The following SMR3A variants were observed in gnomAD, a reference collection of about 807,000 sequenced individuals.
The protein encoded by SMR3A is submaxillary gland androgen regulated protein 3A.
For missense variants in SMR3A, 188 were observed against 163.0 expected, an observed-to-expected ratio of 1.15 and a Z score of -0.84; for synonymous variants, 48 against 57.4, an observed-to-expected ratio of 0.84 and a Z score of 0.74.
At chr4:70,363,318 A>G (rs1284608487) in intron 2 of SMR3A, among the ~76,000 whole-genome samples, 1 of 151,956 alleles carries the variant, frequency 6.6e-6, no homozygotes, top group African/African-American at 2.4e-5. Context: ...ATTACTGAAC[A>G]TTGGAAATGT....
chr4:70,363,526 A>G (rs1380892439), intron 2 of SMR3A, among the ~76,000 whole-genome samples: 4 of 152,046 alleles, frequency 2.6e-5, no homozygotes, highest in African/African-American at 7.2e-5. Flanking sequence ...GATTCAAATT[A>G]TGCATGTCTT....
intron 2 of SMR3A, among the ~76,000 whole-genome samples, chr4:70,365,591 C>CACTGGCATGAAA (rs988638320): frequency 5.9e-5 from 9 of 151,978 alleles, no homozygotes; most frequent in Admixed American, 4.6e-4. Flanking sequence ...AGAGCTCAAA[C>CACTGGCATGAAA]ACTGGCATGA....
At chr4:70,364,200 T>A (rs979513394) in intron 2 of SMR3A, among the ~76,000 whole-genome samples, 3 of 152,024 alleles carry the variant, frequency 2.0e-5, no homozygotes, top group African/African-American at 7.2e-5. Flanking sequence ...TGAAACTGAA[T>A]CTTTTATAAA....
At chr4:70,366,586 C>T (rs1006599664) in intron 2 of SMR3A, 58 bp from the exon 3 acceptor site, 2 of 1,440,978 alleles carry the variant, frequency 1.4e-6, no homozygotes, top group Non-Finnish European at 1.9e-6. Flanking sequence ...AACCATTCAC[C>T]CTTATATTTA....
chr4:70,364,351 G>T (rs1842472), intron 2 of SMR3A, among the ~76,000 whole-genome samples: 144,409 of 152,012 alleles, frequency 0.95, 68,661 homozygotes, highest in East Asian at 1. Flanking sequence ...AATGACAGAT[G>T]AGAATGAAAG....
At position 70,366,986 on chromosome 4, in the gene SMR3A, G is replaced by A. The variant is rs371670020; in HGVS notation, c.397G>A (p.Ala133Thr). Residue 133 changes from alanine to threonine, a missense_variant, in exon 3 of 3, where the codon GCA becomes ACA. Transcript: ENST00000226460. The part of the protein sequence containing the change: ...SPTDPALPTP[A>T]P ...AACTGATCCTGCCCTCCCTACTCCTGCACCCTAAATACAGACAACTGCAAC... is the reference window on the plus strand; with the variant it reads ...AACTGATCCTGCCCTCCCTACTCCTACACCCTAAATACAGACAACTGCAAC... 6.8e-5 allele frequency: 109 copies of A among 1,611,908 alleles called. No homozygotes were observed. The highest frequency in any genetic ancestry group is 8.8e-5 in the Non-Finnish European group (104 of 1,178,916).
rs753397024 is a variant in SMR3A at position 70,362,065 on chromosome 4, A to T, written c.-14-37A>T. 6.2e-6 allele frequency: 10 copies of T among 1,609,324 alleles called. No individual in the cohort carries two copies. The South Asian group carries it at 1.1e-4, about 18-fold the overall frequency. ...TTTTAAATAGTACTTTTTAATAAAA[A>T]ACAATCATACTGATCACCTATTGTG... On this transcript the variant is annotated intron_variant, in intron 1 of 2. Coordinates refer to ENST00000226460, the MANE Select transcript of SMR3A (RefSeq NM_012390.4).
At chr4:70,362,823 T>G (rs895187025) in intron 2 of SMR3A, among the ~76,000 whole-genome samples, 1 of 151,886 alleles carries the variant, frequency 6.6e-6, no homozygotes, top group African/African-American at 2.4e-5. Flanking sequence ...CCAGAGTAAC[T>G]TCTCCCAAAG....
At chr4:70,364,433 A>G (rs1196956726) in intron 2 of SMR3A, among the ~76,000 whole-genome samples, 1 of 151,856 alleles carries the variant, frequency 6.6e-6, no homozygotes, top group Non-Finnish European at 1.5e-5. Context: ...GGATAGGGAG[A>G]AAAAAAATTG....
chr4:70,365,399 A>G (rs895848349), intron 2 of SMR3A, among the ~76,000 whole-genome samples: 4 of 151,984 alleles, frequency 2.6e-5, no homozygotes, highest in African/African-American at 4.8e-5. Flanking sequence ...ATTTCTAAAA[A>G]TTGTACTCTA....
At chr4:70,362,438 C>G (rs555216851) in intron 2 of SMR3A, among the ~76,000 whole-genome samples, 118 of 151,774 alleles carry the variant, frequency 7.8e-4, no homozygotes, top group Non-Finnish European at 1.3e-3. Context: ...TCCCCATACT[C>G]TAGCAATTAC....
At position 70,367,063 on chromosome 4, in the gene SMR3A, C is replaced by G. The variant is rs1269986140; in HGVS notation, c.*69C>G. 7.4e-7 allele frequency: 1 copy of G among 1,344,986 alleles called. No homozygotes were observed. The highest frequency in any genetic ancestry group is 1.9e-5 in the Admixed American group (1 of 53,904). The allele number at this position is 1,344,986 out of a possible 1,614,324, so 83.3% of individuals were successfully genotyped here. On this transcript the variant is annotated 3_prime_UTR_variant, in exon 3 of 3. Coordinates refer to ENST00000226460, the MANE Select transcript of SMR3A (RefSeq NM_012390.4). Reference sequence around the variant, plus strand: ...ACTACCCTCGTAACTACTGCTTCTACTACCCAAAAATAAGAATTTCAACAC... The same window carrying G: ...ACTACCCTCGTAACTACTGCTTCTAGTACCCAAAAATAAGAATTTCAACAC...
At chr4:70,363,329 G>A (rs1732187909) in intron 2 of SMR3A, among the ~76,000 whole-genome samples, 1 of 151,874 alleles carries the variant, frequency 6.6e-6, no homozygotes, top group Non-Finnish European at 1.5e-5. Flanking sequence ...TTGGAAATGT[G>A]AAGGGTAGCA....
Position 70,367,152 on chromosome 4 carries a change from G to A in SMR3A, c.*158G>A. 2 of 674,724 alleles carry A rather than the reference G, an allele frequency of 3.0e-6. No individual in the cohort carries two copies. Among genetic ancestry groups the A allele is most frequent in the Non-Finnish European group, 5.0e-6 (2 of 401,834 alleles). The allele number at this position is 674,724 out of a possible 1,614,324, so 41.8% of individuals were successfully genotyped here. The stretch of plus-strand genomic sequence containing the variant: ...TTGGATGAGAATAAAGATTTCCAAA[G>A]CACTGAGCTTTTGGGAGAAATATCT... On this transcript the variant is annotated 3_prime_UTR_variant, in exon 3 of 3. Coordinates refer to ENST00000226460, the MANE Select transcript of SMR3A (RefSeq NM_012390.4).
intron 2 of SMR3A, among the ~76,000 whole-genome samples, chr4:70,364,072 T>A (rs1732205599): frequency 6.6e-6 from 1 of 152,000 alleles, no homozygotes; most frequent in Non-Finnish European, 1.5e-5. Context: ...AAAAGCCAGG[T>A]TGAAGAGCAA....
In SMR3A at chr4:70,366,799, C is replaced by T; in HGVS notation, c.210C>T (p.Pro70=). The T allele has an allele frequency of 1.2e-6, 2 of 1,613,106 alleles. No homozygotes were observed. Among genetic ancestry groups the T allele is most frequent in the Non-Finnish European group, 1.7e-6 (2 of 1,179,610 alleles). Residue 70 remains proline (P), a synonymous_variant, in exon 3 of 3, where the codon CCC becomes CCT. Coordinates refer to ENST00000226460, the MANE Select transcript of SMR3A (RefSeq NM_012390.4). ...GATTTCCACCACCCCTTTCTCCACC[C>T]TATGGTCCAGGGAGAATCCCACCAT... The part of the protein sequence containing the change: ...PGRFPPPLSP[P]YGPGRIPPSP...
At chr4:70,366,607 A>G (rs1445322669) in intron 2 of SMR3A, 37 bp from the exon 3 acceptor site, 4 of 1,517,998 alleles carry the variant, frequency 2.6e-6, no homozygotes, top group African/African-American at 1.4e-5. Flanking sequence ...ACTGTGAAAT[A>G]TCTGATTTAA....
intron 2 of SMR3A, among the ~76,000 whole-genome samples, chr4:70,365,368 T>A (rs1329488230): frequency 6.6e-6 from 1 of 151,962 alleles, no homozygotes; most frequent in Non-Finnish European, 1.5e-5. Context: ...TGAGCCACCA[T>A]ATCCAGCCTC....
At chr4:70,366,399 A>G (rs1433994291) in intron 2 of SMR3A, among the ~76,000 whole-genome samples, 5 of 151,466 alleles carry the variant, frequency 3.3e-5, no homozygotes, top group African/African-American at 1.2e-4. Context: ...CCTCGCCACA[A>G]CACGGCATCT....
Sources: allele counts gnomAD v4.1 joint callset (sites outside exome capture counted in the v4.1 genomes callset), GRCh38; gene constraint gnomAD v4.1.1; transcripts MANE v1.5; gene names NCBI Gene and HGNC (gene_info 2026-07-23, HGNC 2026-07-21).